The following SEMA4A variants were observed in gnomAD, a reference collection of about 807,000 sequenced individuals.
SEMA4A encodes the protein semaphorin-4A.
A neutral mutation model predicts 72.5 loss-of-function variants in SEMA4A; 52 were observed. The ratio of observed to expected loss-of-function variants is 0.72; its 90% confidence interval spans 0.57 to 0.90. SEMA4A has a LOEUF of 0.90. Ranked by LOEUF, SEMA4A falls within the 40% of genes least tolerant of loss-of-function variation. SEMA4A has a pLI of 0.00. For missense variants in SEMA4A, 926 were observed against 959.7 expected, an observed-to-expected ratio of 0.96 and a Z score of 0.46; for synonymous variants, 369 against 393.1, an observed-to-expected ratio of 0.94 and a Z score of 0.73.
At chr1:156,163,818 C>T (rs1353650750) in intron 10 of SEMA4A, among the ~76,000 whole-genome samples, 1 of 148,820 alleles carries the variant, frequency 6.7e-6, no homozygotes, top group Non-Finnish European at 1.5e-5. Context: ...AGGAGGTTCA[C>T]TTGAGGCCAG....
chr1:156,176,359 CCTT>C (rs993999754), intron 14 of SEMA4A, 43 bp from the exon 15 acceptor site: 1 of 1,413,876 alleles, frequency 7.1e-7, no homozygotes, highest in African/African-American at 1.4e-5. Flanking sequence ...CTGTCTCCAT[CCTT>C]CACTTCTCCC....
intron 10 of SEMA4A, among the ~76,000 whole-genome samples, chr1:156,171,005 G>A (rs1654722984): frequency 6.6e-6 from 1 of 152,144 alleles, no homozygotes; most frequent in African/African-American, 2.4e-5. Context: ...TTGAGGCCAG[G>A]AGTTTGAGAC....
intron 10 of SEMA4A, among the ~76,000 whole-genome samples, chr1:156,170,973 GA>G (rs980931190): frequency 1.3e-5 from 2 of 152,016 alleles, no homozygotes; most frequent in Non-Finnish European, 2.9e-5. Context: ...AGCACTTTGG[GA>G]GGCCAAGGTA....
upstream of SEMA4A, among the ~76,000 whole-genome samples, chr1:156,150,753 A>G (rs1399111585): frequency 6.6e-6 from 1 of 151,960 alleles, no homozygotes; most frequent in Non-Finnish European, 1.5e-5. Flanking sequence ...CCACATCTAG[A>G]CCTTTCCTCT....
upstream of SEMA4A, among the ~76,000 whole-genome samples, chr1:156,153,159 C>T (rs1416976068): frequency 6.6e-6 from 1 of 152,134 alleles, no homozygotes; most frequent in African/African-American, 2.4e-5. Flanking sequence ...GGATAAGAGC[C>T]TAATACAATT....
At chr1:156,156,649 T>A (rs1237379878) in intron 3 of SEMA4A, 75 bp downstream of exon 3, 3 of 1,426,840 alleles carry the variant, frequency 2.1e-6, no homozygotes, top group Non-Finnish European at 3.0e-6. Context: ...CTTGGCTGCC[T>A]GTGCATGAAT....
At position 156,157,545 on chromosome 1, in the gene SEMA4A, G is replaced by C. The variant is rs543948123; in HGVS notation, c.301-525G>C. ...TGAGGAAGGAAGGAAGAAAGGGAGAGAAGGCACTAGCAATATTAGCAATCA... is the reference window on the plus strand; with the variant it reads ...TGAGGAAGGAAGGAAGAAAGGGAGACAAGGCACTAGCAATATTAGCAATCA... On this transcript the variant is annotated intron_variant, in intron 3 of 14. Transcript: ENST00000368285. The surrounding 1 kb of genome is among the most constrained non-coding windows in gnomAD (Gnocchi z 4.5). Among the ~76,000 whole-genome samples, 3 of 152,298 alleles carry C rather than the reference G, an allele frequency of 2.0e-5. No homozygotes were observed. In the East Asian group the frequency reaches 5.8e-4, roughly 29 times the overall value.
At position 156,177,644 on chromosome 1, in the gene SEMA4A, A is replaced by G. The variant is rs1394370701; in HGVS notation, c.*647A>G. ...TGAGCCTTCTTCACTCCTTTACCCT[A>G]GCTGACCCCTTCACCTCTCCCCCTC... On this transcript the variant is annotated 3_prime_UTR_variant, in exon 15 of 15. Coordinates refer to ENST00000368285, the MANE Select transcript of SEMA4A (RefSeq NM_022367.4). 1 of 157,460 alleles carries G rather than the reference A, an allele frequency of 6.4e-6. No individual in the cohort carries two copies. The highest frequency in any genetic ancestry group is 1.4e-5 in the Non-Finnish European group (1 of 70,704). 9.8% of individuals were successfully genotyped at this position (157,460 alleles called of 1,614,324 possible).
chr1:156,148,895 T>C (rs951034589), upstream of SEMA4A, among the ~76,000 whole-genome samples: 1 of 149,466 alleles, frequency 6.7e-6, no homozygotes, highest in Admixed American at 6.7e-5. Context: ...CTCCGCCTCC[T>C]GGGTTCAAGT....
chr1:156,174,753 G>T, intron 11 of SEMA4A, 69 bp from the exon 12 acceptor site: 4 of 1,604,582 alleles, frequency 2.5e-6, no homozygotes, highest in Non-Finnish European at 3.4e-6. Flanking sequence ...AGCTGGGGAG[G>T]CCCCCGGAAG....
At chr1:156,152,902 G>A (rs1652665937), upstream of SEMA4A, among the ~76,000 whole-genome samples, 1 of 152,168 alleles carries the variant, frequency 6.6e-6, no homozygotes, top group Non-Finnish European at 1.5e-5. Flanking sequence ...CACTTTGTAG[G>A]CCACAGAGTT....
At chr1:156,168,161 T>G (rs1260095758) in intron 10 of SEMA4A, among the ~76,000 whole-genome samples, 1 of 151,494 alleles carries the variant, frequency 6.6e-6, no homozygotes, top group African/African-American at 2.4e-5. Context: ...TGACCTCAGG[T>G]GATCCACCCG....
intron 10 of SEMA4A, among the ~76,000 whole-genome samples, chr1:156,171,767 AT>A (rs1259370463): frequency 7.3e-5 from 11 of 150,452 alleles, no homozygotes; most frequent in Non-Finnish European, 1.0e-4. Context: ...TAATTAATTA[AT>A]TAATTAATTA....
chr1:156,151,218 A>G (rs1652506366), upstream of SEMA4A, among the ~76,000 whole-genome samples: 2 of 152,242 alleles, frequency 1.3e-5, no homozygotes, highest in Admixed American at 6.5e-5. Context: ...AGGACTTTCA[A>G]CAGAGCAACA....
chr1:156,161,073 A>C, intron 8 of SEMA4A, 44 bp downstream of exon 8: 1 of 1,586,932 alleles, frequency 6.3e-7, no homozygotes, highest in African/African-American at 1.4e-5. Flanking sequence ...GAGGAGAACC[A>C]ATAGGGAGAT....
intron 10 of SEMA4A, among the ~76,000 whole-genome samples, chr1:156,164,069 A>G (rs977249137): frequency 6.7e-6 from 1 of 148,410 alleles, no homozygotes; most frequent in Non-Finnish European, 1.5e-5. Context: ...AAAAAAAATC[A>G]CAGCCTGGGC....
At chr1:156,161,582 C>T in intron 9 of SEMA4A, 64 bp downstream of exon 9, 2 of 1,578,560 alleles carry the variant, frequency 1.3e-6, no homozygotes, top group Non-Finnish European at 1.7e-6. Context: ...GGCCCCAGCT[C>T]GTGAGCGGAG....
rs571716256 is a variant in SEMA4A at position 156,154,536 on chromosome 1, G to A, written c.-29-14G>A. The A allele has an allele frequency of 1.9e-6, 3 of 1,594,858 alleles. No individual in the cohort carries two copies. The highest frequency in any genetic ancestry group is 1.3e-5 in the African/African-American group (1 of 74,912). ...CTGCTCACCCAGAAAGTGCCCGGGT[G>A]CCTGTTTCCCCAGAGCTCCCTGGTG... On this transcript the variant is annotated splice_polypyrimidine_tract_variant and intron_variant, in intron 1 of 14. Transcript: ENST00000368285.
chr1:156,147,842 C>G (rs554557895), upstream of SEMA4A, among the ~76,000 whole-genome samples: 102 of 152,274 alleles, frequency 6.7e-4, no homozygotes, highest in African/African-American at 2.4e-3. Flanking sequence ...TGTGGAAAGG[C>G]TCTCTCTCCC....
Sources: gnomAD v4.1 joint callset for allele counts (sites outside exome capture counted in the v4.1 genomes callset) on GRCh38, gnomAD v4.1.1 for gene constraint, Gnocchi (gnomAD v3.1) non-coding constraint, MANE v1.5 for transcripts, NCBI Gene and HGNC (gene_info 2026-07-23, HGNC 2026-07-21) for gene names.